The following RANBP2 variants were observed in gnomAD, a reference collection of about 807,000 sequenced individuals.
RANBP2 encodes the protein E3 SUMO-protein ligase RanBP2.
RANBP2 carries 57 observed loss-of-function variants against 303.6 expected under a neutral mutation model. The ratio of observed to expected loss-of-function variants is 0.19; its 90% CI spans 0.15 to 0.23. RANBP2 has a LOEUF of 0.23. Ranked by LOEUF, RANBP2 falls within the 10% of genes least tolerant of loss-of-function variation. The pLI is 1.00. For missense variants in RANBP2, 3,138 were observed against 3,780.8 expected (o/e 0.83, Z 4.46); for synonymous variants, 1,167 against 1,301.5 (o/e 0.90, Z 2.23).
chr2:109,738,155 C>A, the RANBP2 span, among the ~76,000 whole-genome samples: 5 of 151,892 alleles, frequency 3.3e-5, no homozygotes, highest in African/African-American at 1.2e-4. Flanking sequence ...AATCTTTGCC[C>A]AGCTCAATGA....
chr2:108,861,004 A>G, the RANBP2 span, among the ~76,000 whole-genome samples: 5 of 110,910 alleles, frequency 4.5e-5, no homozygotes, highest in South Asian at 1.2e-3. Context: ...TTGGAGCTCA[A>G]TACTGGTCTG....
the RANBP2 span, among the ~76,000 whole-genome samples, chr2:109,067,868 G>A: frequency 2.6e-5 from 4 of 151,998 alleles, no homozygotes; most frequent in African/African-American, 9.7e-5. Flanking sequence ...CCTCCATCAC[G>A]ACCACCCTGT....
the RANBP2 span, among the ~76,000 whole-genome samples, chr2:109,437,698 C>T: frequency 4.6e-5 from 7 of 151,400 alleles, no homozygotes; most frequent in African/African-American, 1.2e-4. Flanking sequence ...GTTGATCCTT[C>T]GCCTTCATGG....
At chr2:109,352,790 CG>C in the RANBP2 span, among the ~76,000 whole-genome samples, 1 of 152,234 alleles carries the variant, frequency 6.6e-6, no homozygotes, top group African/African-American at 2.4e-5. Flanking sequence ...TCGCAGGGCA[CG>C]GGGCAGAGGG....
the RANBP2 span, among the ~76,000 whole-genome samples, chr2:109,316,875 A>G: frequency 1.3e-5 from 2 of 152,176 alleles, no homozygotes; most frequent in Non-Finnish European, 2.9e-5. Flanking sequence ...CGTTCTCCAG[A>G]ACATCATACA....
chr2:109,390,637 T>C, the RANBP2 span, among the ~76,000 whole-genome samples: 34 of 152,028 alleles, frequency 2.2e-4, no homozygotes, highest in African/African-American at 8.2e-4. Flanking sequence ...AAGGTGCAAG[T>C]GGGGGTGCGG....
At chr2:108,775,560 A>G (rs1677822155) in intron 23 of RANBP2, 172 bp from the exon 24 acceptor site, 1 of 171,414 alleles carries the variant, frequency 5.8e-6, no homozygotes, top group Non-Finnish European at 1.2e-5. Context: ...GGTGCTCTGT[A>G]TGTTTCAGTG....
the RANBP2 span, among the ~76,000 whole-genome samples, chr2:109,590,418 T>G: frequency 1.4e-5 from 2 of 145,762 alleles, no homozygotes; most frequent in Non-Finnish European, 3.1e-5. Context: ...CCTAATGAGG[T>G]AAATCCTTTT....
At chr2:109,194,208 G>A in the RANBP2 span, among the ~76,000 whole-genome samples, 123,060 of 152,248 alleles carry the variant, frequency 0.81, 49,859 homozygotes, top group South Asian at 0.86. Context: ...GGCACTGCCC[G>A]TGCAGACCAC....
At chr2:109,268,020 C>T in the RANBP2 span, among the ~76,000 whole-genome samples, 9 of 151,872 alleles carry the variant, frequency 5.9e-5, no homozygotes, top group African/African-American at 1.9e-4. Flanking sequence ...GGTCCTTGGA[C>T]TCTGTGTCCA....
chr2:109,074,662 T>C, the RANBP2 span, among the ~76,000 whole-genome samples: 6 of 150,158 alleles, frequency 4.0e-5, no homozygotes, highest in Non-Finnish European at 7.4e-5. Context: ...ATCACACCGC[T>C]AGACTCCAGG....
chr2:109,273,402 C>T, the RANBP2 span, among the ~76,000 whole-genome samples: 1 of 152,182 alleles, frequency 6.6e-6, no homozygotes, highest in South Asian at 2.1e-4. Context: ...GGCAGGTCTC[C>T]AAGGGGACCC....
chr2:109,244,890 G>A, the RANBP2 span, among the ~76,000 whole-genome samples: 1 of 152,236 alleles, frequency 6.6e-6, no homozygotes. Flanking sequence ...TCTGCAGGGT[G>A]TGGACACAAG....
At chr2:109,509,177 C>T in the RANBP2 span, among the ~76,000 whole-genome samples, 2 of 152,286 alleles carry the variant, frequency 1.3e-5, no homozygotes, top group Admixed American at 6.5e-5. Flanking sequence ...GCACCAGGGT[C>T]ACGGAGATGA....
chr2:108,812,928 G>A, the RANBP2 span: 15 of 1,612,856 alleles, frequency 9.3e-6, no homozygotes, highest in African/African-American at 4.0e-5. Context: ...AACTTACAAG[G>A]TAAGTTTGAA....
the RANBP2 span, among the ~76,000 whole-genome samples, chr2:109,535,127 C>A: frequency 6.6e-6 from 1 of 152,198 alleles, no homozygotes; most frequent in Admixed American, 6.5e-5. Context: ...CCACTTAGGG[C>A]ACTGGTCAGA....
chr2:108,757,749 T>TTGTAGATAC (rs1032592604), intron 17 of RANBP2, among the ~76,000 whole-genome samples: 2 of 152,196 alleles, frequency 1.3e-5, no homozygotes, highest in African/African-American at 4.8e-5. Context: ...GAAGTTTAGT[T>TTGTAGATAC]TGTAGATACT....
chr2:109,590,198 G>A, the RANBP2 span, among the ~76,000 whole-genome samples: 1 of 151,884 alleles, frequency 6.6e-6, no homozygotes, highest in Non-Finnish European at 1.5e-5. Flanking sequence ...TAGACTTACA[G>A]GTTGGGGTGA....
At chr2:109,029,307 C>A in the RANBP2 span, among the ~76,000 whole-genome samples, 5 of 152,128 alleles carry the variant, frequency 3.3e-5, no homozygotes, top group African/African-American at 1.2e-4. Context: ...CTGCCTTGGC[C>A]ACTCCTCCAA....
Sources: gnomAD v4.1 joint callset for allele counts (sites outside exome capture counted in the v4.1 genomes callset) on GRCh38, gnomAD v4.1.1 for gene constraint, MANE v1.5 for transcripts, NCBI Gene and HGNC (gene_info 2026-07-23, HGNC 2026-07-21) for gene names.